Variants in DCAF12 observed in about 807,000 individuals in gnomAD.
DCAF12 encodes the protein DDB1- and CUL4-associated factor 12.
DCAF12 carries 28 observed loss-of-function variants against 52.8 expected under a neutral mutation model. The observed-to-expected ratio is 0.53, with a 90% CI of 0.39 to 0.73. DCAF12 has a LOEUF of 0.73. Ranked by LOEUF, DCAF12 falls within the 30% of genes least tolerant of loss-of-function variation. The pLI, the probability that DCAF12 is intolerant of heterozygous loss-of-function variation, is 0.00. For missense variants in DCAF12, 425 were observed against 552.2 expected, an observed-to-expected ratio of 0.77 and a Z score of 2.31; for synonymous variants, 196 against 215.5, an observed-to-expected ratio of 0.91 and a Z score of 0.79.
At chr9:34,120,740 C>T (rs1306708237) in intron 2 of DCAF12, among the ~76,000 whole-genome samples, 1 of 151,460 alleles carries the variant, frequency 6.6e-6, no homozygotes, top group African/African-American at 2.4e-5. Flanking sequence ...TCAGGTAGGC[C>T]TTGGTGTCCT....
chr9:34,106,961 T>C (rs952307379), intron 3 of DCAF12, among the ~76,000 whole-genome samples: 3 of 152,170 alleles, frequency 2.0e-5, no homozygotes, highest in African/African-American at 7.2e-5. Context: ...TACTGGTAAA[T>C]ATTAGTTTAT....
chr9:34,100,961 T>C (rs985791782), intron 4 of DCAF12, among the ~76,000 whole-genome samples: 1 of 151,544 alleles, frequency 6.6e-6, no homozygotes, highest in African/African-American at 2.4e-5. Context: ...TCTAGAAAAT[T>C]ACACAAAACA....
Position 34,126,512 on chromosome 9 carries a change from G to T in DCAF12, c.-81C>A. On this transcript the variant is annotated 5_prime_UTR_variant, in exon 1 of 9. Coordinates refer to ENST00000361264, the MANE Select transcript of DCAF12 (RefSeq NM_015397.4). The stretch of plus-strand genomic sequence containing the variant: ...AGCAGGACGGCGGGTCATATACTGG[G>T]CCCCGGGGCCGCGCACCTTAGTGCG... 6.8e-7 allele frequency: 1 copy of T among 1,477,102 alleles called. No individual in the cohort carries two copies. Among genetic ancestry groups the T allele is most frequent in the Non-Finnish European group, 9.0e-7 (1 of 1,109,374 alleles). 91.5% of individuals were successfully genotyped at this position (1,477,102 alleles called of 1,614,324 possible).
chr9:34,089,096 G>A (rs369725391), intron 8 of DCAF12, among the ~76,000 whole-genome samples: 12 of 142,112 alleles, frequency 8.4e-5, no homozygotes, highest in African/African-American at 3.2e-4. Context: ...CTGGGCAACA[G>A]AGTGACCCTG....
intron 4 of DCAF12, among the ~76,000 whole-genome samples, chr9:34,098,909 C>T (rs1029173098): frequency 6.6e-6 from 1 of 151,378 alleles, no homozygotes; most frequent in African/African-American, 2.4e-5. Flanking sequence ...GCTGGGATTA[C>T]AGGTGCCTGC....
At chr9:34,117,256 ATT>A (rs201282914) in intron 2 of DCAF12, among the ~76,000 whole-genome samples, 2 of 140,004 alleles carry the variant, frequency 1.4e-5, no homozygotes. Context: ...CTAATCCTTG[ATT>A]TTTTTTTTTT....
In DCAF12 at chr9:34,119,014, T is replaced by G. The variant is rs184069148; in HGVS notation, c.333+6009A>C. Among the ~76,000 whole-genome samples the G allele has an allele frequency of 1.4e-3, 208 of 152,206 alleles. 1 individual carries two copies. The highest frequency in any genetic ancestry group is 4.9e-3 in the African/African-American group (205 of 41,516). On this transcript the variant is annotated intron_variant, in intron 2 of 8. Coordinates refer to ENST00000361264, the MANE Select transcript of DCAF12 (RefSeq NM_015397.4). The stretch of plus-strand genomic sequence containing the variant: ...AATATCTCTCTTATCTCACACTTAC[T>G]TCCTAAGTATAACAGCATTAAGACT...
intron 2 of DCAF12, among the ~76,000 whole-genome samples, chr9:34,108,802 T>A (rs10738923): frequency 0.65 from 86,907 of 132,908 alleles, 28,298 homozygotes; most frequent in Non-Finnish European, 0.73. Context: ...TCAAAAAAAA[T>A]AAATAAATAA....
In DCAF12 at chr9:34,087,967, G is replaced by A. The variant is rs551845915; in HGVS notation, c.*383C>T. ...GCTCCCAAACTTTCACAGAAAGTCT[G>A]AGAGCAACCATGTAATTATAAAGGA... On this transcript the variant is annotated 3_prime_UTR_variant, in exon 9 of 9. Transcript: ENST00000361264. 1 of 159,100 alleles carries A rather than the reference G, an allele frequency of 6.3e-6. No individual in the cohort carries two copies. The highest frequency in any genetic ancestry group is 2.4e-5 in the African/African-American group (1 of 41,450). 9.9% of individuals were successfully genotyped at this position (159,100 alleles called of 1,614,324 possible).
Position 34,125,080 on chromosome 9 carries a change from C to G in DCAF12, c.276G>C (p.Val92=). The change falls in exon 2 of 9, where the codon GTG becomes GTC. Residue 92 remains valine, a synonymous_variant. Transcript: ENST00000361264. ...TATGATTCAACCACTGAGATGCAAA[C>G]ACTTTATTAAGGGTCCCAAGGTGAA... ...REFHLGTLNK[V]FASQWLNHRQ... is the part of the protein sequence containing the mutation. The G allele has an allele frequency of 6.2e-7, 1 of 1,614,070 alleles. No homozygotes were observed. Among genetic ancestry groups the G allele is most frequent in the Non-Finnish European group, 8.5e-7 (1 of 1,180,026 alleles).
chr9:34,098,452 T>G lies in DCAF12; in HGVS notation c.667A>C (p.Arg223=). Residue 223 remains arginine (R), a synonymous_variant, in exon 5 of 9, where the codon AGA becomes CGA. Coordinates refer to ENST00000361264, the MANE Select transcript of DCAF12 (RefSeq NM_015397.4). ...ACAGGGACCCGTGACACATTGTGTC[T>G]CGCATCACTTTTGGTCAAAACATCA... is the stretch of plus-strand genomic sequence containing the variant. ...TDDVLTKSDA[R]HNVSRVPVYA... 6.2e-7 allele frequency: 1 copy of G among 1,614,208 alleles called. No individual in the cohort carries two copies. Among genetic ancestry groups the G allele is most frequent in the East Asian group, 2.2e-5 (1 of 44,886 alleles).
intron 4 of DCAF12, among the ~76,000 whole-genome samples, chr9:34,105,752 ATCCTTTTTT>A (rs1435026867): frequency 7.3e-6 from 1 of 137,210 alleles, no homozygotes; most frequent in East Asian, 2.0e-4. Context: ...CTATCTATCC[ATCCTTTTTT>A]TTTTTTTGAG....
intron 2 of DCAF12, among the ~76,000 whole-genome samples, chr9:34,119,860 C>T (rs983941741): frequency 2.0e-5 from 3 of 151,888 alleles, no homozygotes; most frequent in African/African-American, 7.3e-5. Context: ...AGCCACCATG[C>T]CCAGCTAATT....
Position 34,086,977 on chromosome 9 carries a change from T to C in DCAF12, c.*1373A>G, listed in dbSNP as rs187779151. 1 of 152,306 alleles carries C rather than the reference T, an allele frequency of 6.6e-6. No individual in the cohort carries two copies. Among genetic ancestry groups the C allele is most frequent in the East Asian group, 1.9e-4 (1 of 5,188 alleles). The allele number at this position is 152,306 out of a possible 1,614,324, so 9.4% of individuals were successfully genotyped here. A position where few individuals can be genotyped will look rare whatever the true frequency, so the allele number is the denominator to read the frequency against. On this transcript the variant is annotated 3_prime_UTR_variant, in exon 9 of 9. Transcript: ENST00000361264. Reference sequence around the variant, plus strand: ...AACTGGTGGGTGGGAACAGCTGTTATCTTTGACATGATGTGTAAAAATCAG... The same window carrying C: ...AACTGGTGGGTGGGAACAGCTGTTACCTTTGACATGATGTGTAAAAATCAG...
At chr9:34,104,342 C>T (rs1384562384) in intron 4 of DCAF12, among the ~76,000 whole-genome samples, 1 of 151,846 alleles carries the variant, frequency 6.6e-6, no homozygotes, top group Non-Finnish European at 1.5e-5. Flanking sequence ...TTAGAAAAGG[C>T]CACAGAGACA....
At chr9:34,114,948 C>G (rs1476672483) in intron 2 of DCAF12, among the ~76,000 whole-genome samples, 1 of 151,892 alleles carries the variant, frequency 6.6e-6, no homozygotes, top group African/African-American at 2.4e-5. Context: ...GCCTGGGTGA[C>G]AGAGCAAGAC....
intron 6 of DCAF12, among the ~76,000 whole-genome samples, chr9:34,094,717 A>G (rs1828705936): frequency 6.6e-6 from 1 of 151,720 alleles, no homozygotes; most frequent in African/African-American, 2.4e-5. Context: ...TTTTTAGTAG[A>G]GACGGGGTTT....
chr9:34,093,591 T>TATA (rs1828684375), intron 6 of DCAF12, 143 bp from the exon 7 acceptor site: 4 of 827,056 alleles, frequency 4.8e-6, no homozygotes, highest in Admixed American at 2.5e-5. Context: ...AACACTCTGT[T>TATA]CCACCCCTAG....
chr9:34,121,989 G>A (rs1829182136), intron 2 of DCAF12, among the ~76,000 whole-genome samples: 1 of 152,198 alleles, frequency 6.6e-6, no homozygotes, highest in Non-Finnish European at 1.5e-5. Flanking sequence ...CTCCTTTCTT[G>A]AATTCTTTTC....
Sources: allele counts gnomAD v4.1 joint callset (sites outside exome capture counted in the v4.1 genomes callset), GRCh38; gene constraint gnomAD v4.1.1; transcripts MANE v1.5; gene names NCBI Gene and HGNC (gene_info 2026-07-23, HGNC 2026-07-21).